Variants in UNC5D observed in about 807,000 individuals in gnomAD.
UNC5D encodes netrin receptor UNC5D.
In UNC5D, 39 loss-of-function variants were observed where a neutral mutation model predicts 105.4. That is an observed-to-expected ratio of 0.37 (90% CI 0.29 to 0.48). The LOEUF is 0.48. UNC5D is among the 20% of genes least tolerant of loss of function. The pLI, the probability that UNC5D is intolerant of heterozygous loss-of-function variation, is 0.98. For synonymous variants in UNC5D, 452 were observed against 450.4 expected (o/e 1.00, Z -0.04); for missense variants, 991 against 1,202.4 (o/e 0.82, Z 2.60).
intron 15 of UNC5D, among the ~76,000 whole-genome samples, chr8:35,772,328 C>T (rs1243177476): frequency 3.3e-5 from 5 of 152,088 alleles, no homozygotes; most frequent in South Asian, 2.1e-4. Context: ...TACAGAGAGA[C>T]AAAAATCATT....
chr8:35,286,791 C>T (rs959832735), intron 1 of UNC5D, among the ~76,000 whole-genome samples: 8 of 152,172 alleles, frequency 5.3e-5, no homozygotes, highest in African/African-American at 1.7e-4. Context: ...AGGGCATATC[C>T]TCTGGCCTTG....
rs141293955 is a variant in UNC5D, at chr8:35,559,152, C to T, written c.323-8946C>T. ...CATTTTCTCAGCCCCAATCATGAAG[C>T]GCTATAATGTGAACAAGGAGGTACA... On this transcript the variant is annotated intron_variant, in intron 2 of 16. Transcript: ENST00000404895. 3.0e-3 allele frequency among the ~76,000 whole-genome samples: 451 copies of T among 152,164 alleles called. 4 individuals are homozygous for T. The highest frequency in any genetic ancestry group is 9.9e-3 in the African/African-American group (409 of 41,514).
rs1480657098 is a variant in UNC5D at position 35,792,121 on chromosome 8, G to C, written c.*1558G>C. 1.3e-5 allele frequency: 2 copies of C among 152,126 alleles called. No individual in the cohort carries two copies. The highest frequency in any genetic ancestry group is 2.9e-5 in the Non-Finnish European group (2 of 68,022). The allele number at this position is 152,126 out of a possible 1,614,324, so 9.4% of individuals were successfully genotyped here. On this transcript the variant is annotated 3_prime_UTR_variant, in exon 17 of 17. Coordinates refer to ENST00000404895, the MANE Select transcript of UNC5D (RefSeq NM_080872.4). Reference sequence around the variant, plus strand: ...TTCGAATAAAAAGTAGTCAGGGAATGGGGGAGGTGGGGAGTTGGGGAGTAC... The same window carrying C: ...TTCGAATAAAAAGTAGTCAGGGAATCGGGGAGGTGGGGAGTTGGGGAGTAC...
rs966336900 is a variant in UNC5D at position 35,794,490 on chromosome 8, C to T, written c.*3927C>T. ...CTACAGAGAATGACACAATTTTATT[C>T]GCCTTTGGTGTTAGTTGCCATAGTG... On this transcript the variant is annotated 3_prime_UTR_variant, in exon 17 of 17. Transcript: ENST00000404895. The T allele has an allele frequency of 6.6e-6, 1 of 152,576 alleles. No individual in the cohort carries two copies. Among genetic ancestry groups the T allele is most frequent in the South Asian group, 2.1e-4 (1 of 4,834 alleles). The allele number at this position is 152,576 out of a possible 1,614,324, so 9.5% of individuals were successfully genotyped here. A position where few individuals can be genotyped will look rare whatever the true frequency, so the allele number is the denominator to read the frequency against.
At chr8:35,294,789 T>C (rs1807343646) in intron 1 of UNC5D, among the ~76,000 whole-genome samples, 1 of 151,942 alleles carries the variant, frequency 6.6e-6, no homozygotes, top group South Asian at 2.1e-4. Flanking sequence ...ATCTACGGTA[T>C]GTATTAAGCA....
intron 4 of UNC5D, among the ~76,000 whole-genome samples, chr8:35,624,758 G>A (rs1172031001): frequency 2.0e-5 from 3 of 152,050 alleles, no homozygotes; most frequent in African/African-American, 7.2e-5. Context: ...TTTTTAAGGG[G>A]AAACTTAACC....
chr8:35,584,208 G>C (rs1447354875), intron 3 of UNC5D, among the ~76,000 whole-genome samples: 1 of 152,134 alleles, frequency 6.6e-6, no homozygotes, highest in Non-Finnish European at 1.5e-5. Context: ...AAAAGAAGCA[G>C]GTGGCAGTGG....
chr8:35,369,455 G>A (rs1473020260), intron 1 of UNC5D, among the ~76,000 whole-genome samples: 6 of 147,848 alleles, frequency 4.1e-5, no homozygotes, highest in African/African-American at 1.6e-4. Flanking sequence ...GAAGATTTAT[G>A]AAGAAAGGTT....
intron 1 of UNC5D, among the ~76,000 whole-genome samples, chr8:35,390,216 G>T (rs1803684994): frequency 6.6e-6 from 1 of 152,122 alleles, no homozygotes; most frequent in Non-Finnish European, 1.5e-5. Context: ...TACCAAGAGG[G>T]ATGGTGAGAA....
At chr8:35,640,309 T>C (rs558975027) in intron 4 of UNC5D, among the ~76,000 whole-genome samples, 11 of 152,298 alleles carry the variant, frequency 7.2e-5, no homozygotes, top group Admixed American at 1.3e-4. Context: ...GAACTTTTCA[T>C]ATCCTGATCA....
chr8:35,550,707 G>A (rs1197858921), intron 2 of UNC5D, among the ~76,000 whole-genome samples: 1 of 152,118 alleles, frequency 6.6e-6, no homozygotes. Context: ...CTGAAAAGAA[G>A]AATATGATTA....
intron 1 of UNC5D, among the ~76,000 whole-genome samples, chr8:35,404,220 G>C (rs1191713884): frequency 2.0e-5 from 3 of 152,186 alleles, no homozygotes; most frequent in African/African-American, 7.2e-5. Flanking sequence ...TGGAAGAGGA[G>C]TTTGCCCAGC....
At chr8:35,736,196 G>T (rs541449370) in intron 11 of UNC5D, among the ~76,000 whole-genome samples, 1 of 152,104 alleles carries the variant, frequency 6.6e-6, no homozygotes, top group South Asian at 2.1e-4. Flanking sequence ...TGTCTGTATA[G>T]AAAATAAAAA....
intron 4 of UNC5D, among the ~76,000 whole-genome samples, chr8:35,674,505 G>C (rs1461426782): frequency 1.3e-5 from 2 of 152,134 alleles, no homozygotes; most frequent in African/African-American, 4.8e-5. Flanking sequence ...ACCTCCTAGA[G>C]ATGCTTTAAG....
intron 4 of UNC5D, among the ~76,000 whole-genome samples, chr8:35,669,933 T>G (rs1369560316): frequency 6.6e-6 from 1 of 152,042 alleles, no homozygotes. Flanking sequence ...AGAGGGTAAA[T>G]GAACTGAAGA....
intron 1 of UNC5D, among the ~76,000 whole-genome samples, chr8:35,514,969 G>C (rs1450992320): frequency 6.6e-6 from 1 of 152,170 alleles, no homozygotes; most frequent in Non-Finnish European, 1.5e-5. Flanking sequence ...TCCTTTGAAA[G>C]TGAAAGGGTC....
At chr8:35,686,859 A>G in intron 7 of UNC5D, 150 bp downstream of exon 7, 1 of 966,856 alleles carries the variant, frequency 1.0e-6, no homozygotes, top group Non-Finnish European at 1.5e-6. Context: ...AAAGTGCAGA[A>G]AAGCAGACAA....
intron 9 of UNC5D, 76 bp from the exon 10 acceptor site, chr8:35,726,075 GT>G (rs1586537878): frequency 6.6e-7 from 1 of 1,525,554 alleles, no homozygotes; most frequent in Non-Finnish European, 8.8e-7. Context: ...CTGTTGCGCA[GT>G]TTGCAGAGGC....
intron 16 of UNC5D, among the ~76,000 whole-genome samples, chr8:35,784,916 A>C (rs999191620): frequency 9.8e-5 from 15 of 152,334 alleles, no homozygotes; most frequent in African/African-American, 3.6e-4. Flanking sequence ...TGCATAAAAA[A>C]GTTAACAATC....
Sources: gnomAD v4.1 joint callset for allele counts (sites outside exome capture counted in the v4.1 genomes callset) on GRCh38, gnomAD v4.1.1 for gene constraint, MANE v1.5 for transcripts, NCBI Gene and HGNC (gene_info 2026-07-23, HGNC 2026-07-21) for gene names.